Variants in THAP3 observed in about 807,000 individuals in gnomAD.
THAP3 encodes the protein THAP domain-containing protein 3.
In THAP3, 12 loss-of-function variants were observed where a neutral mutation model predicts 17.7. The observed-to-expected ratio is 0.68, with a 90% CI of 0.43 to 1.10. The LOEUF is 1.10. THAP3 is among the 50% of genes least tolerant of loss of function. THAP3 has a pLI of 0.00. For missense variants in THAP3, 289 were observed against 318.0 expected, an observed-to-expected ratio of 0.91 and a Z score of 0.69; for synonymous variants, 133 against 126.9, an observed-to-expected ratio of 1.05 and a Z score of -0.32.
chr1:6,628,657 T>C lies in THAP3; in HGVS notation c.233T>C (p.Val78Ala). ...CGCAAGAACCTAAAGCACAATGCCGTGCCCACGGTGTTCGCCTTTCAGGAC... is the reference window on the plus strand; with the variant it reads ...CGCAAGAACCTAAAGCACAATGCCGCGCCCACGGTGTTCGCCTTTCAGGAC... ...GNRKNLKHNAVPTVFAFQDPT... is the reference protein window; with the variant it reads ...GNRKNLKHNAAPTVFAFQDPT... Residue 78 changes from valine to alanine, a missense_variant, in exon 3 of 6, where the codon GTG (valine) becomes GCG (alanine). By Grantham distance (64) the Val-to-Ala change is moderately conservative (BLOSUM62 0). Coordinates refer to ENST00000054650, the MANE Select transcript of THAP3 (RefSeq NM_001195753.2). The C allele has an allele frequency of 2.5e-6, 4 of 1,613,592 alleles. No homozygotes were observed. The highest frequency in any genetic ancestry group is 3.4e-6 in the Non-Finnish European group (4 of 1,179,980).
chr1:6,632,292 T>A, intron 4 of THAP3, 99 bp from the exon 5 acceptor site: 2 of 1,523,160 alleles, frequency 1.3e-6, no homozygotes, highest in South Asian at 2.4e-5. Context: ...CTGGAGCTGG[T>A]CCCTGGCTGT....
rs376258102 is a variant in THAP3 at position 6,626,216 on chromosome 1, AG to A, written c.74+926del. On this transcript the variant is annotated intron_variant, in intron 2 of 5. Coordinates refer to ENST00000054650, the MANE Select transcript of THAP3 (RefSeq NM_001195753.2). ...TCCCAGCTGCTCGGGAGACTGAAGTAGGAGGATCGCTTGAACCCAGCTTCGA... is the reference window on the plus strand; with the variant it reads ...TCCCAGCTGCTCGGGAGACTGAAGTAGAGGATCGCTTGAACCCAGCTTCGA... Among the ~76,000 whole-genome samples the A allele has an allele frequency of 1.2e-3, 186 of 152,218 alleles. 3 individuals are homozygous for A. In the South Asian group the frequency reaches 0.032, roughly 26 times the overall value.
Position 6,632,864 on chromosome 1 carries a change from G to T in THAP3, c.507G>T (p.Arg169Ser), listed in dbSNP as rs1641661941. The change falls in exon 6 of 6, where the codon AGG becomes AGT. Residue 169 changes from arginine (R) to serine (S), a missense_variant. Transcript: ENST00000054650. ...CGACTGGCCCTGCAGGCCTGAGAAG[G>T]ACCCCCAACAAGCAGCCATCTGATC... ...GRPTGPAGLR[R>S]TPNKQPSDHS... 1 of 1,612,962 alleles carries T rather than the reference G, an allele frequency of 6.2e-7. No homozygotes were observed. The highest frequency in any genetic ancestry group is 8.5e-7 in the Non-Finnish European group (1 of 1,179,900).
downstream of THAP3, chr1:6,635,315 GC>G (rs539081168): frequency 6.3e-4 from 139 of 220,226 alleles, 1 homozygote; most frequent in African/African-American, 2.9e-3. Context: ...AGGGCAGGGT[GC>G]TCCACAGACA....
intron 3 of THAP3, among the ~76,000 whole-genome samples, chr1:6,629,059 G>A (rs1641539320): frequency 6.6e-6 from 1 of 152,194 alleles, no homozygotes; most frequent in Admixed American, 6.5e-5. Context: ...AAAATCAGCT[G>A]GGTGTGTTGG....
Position 6,633,206 on chromosome 1 carries a change from G to T in THAP3, c.*129G>T. On this transcript the variant is annotated 3_prime_UTR_variant, in exon 6 of 6. Coordinates refer to ENST00000054650, the MANE Select transcript of THAP3 (RefSeq NM_001195753.2). ...TGGCCATGAGGCCTGCTTGGCCGGG[G>T]ATCGAGACAGTAGCCAAGCTCCCCG... 6.9e-7 allele frequency: 1 copy of T among 1,455,198 alleles called. No homozygotes were observed. The highest frequency in any genetic ancestry group is 9.0e-7 in the Non-Finnish European group (1 of 1,109,756). The allele number at this position is 1,455,198 out of a possible 1,614,324, so 90.1% of individuals were successfully genotyped here.
chr1:6,625,817 C>G (rs989380619), intron 2 of THAP3, among the ~76,000 whole-genome samples: 2 of 152,206 alleles, frequency 1.3e-5, no homozygotes, highest in Admixed American at 1.3e-4. Flanking sequence ...AAGGTCCAGT[C>G]ACGGCACCAT....
chr1:6,630,207 G>GCC, intron 3 of THAP3, 81 bp from the exon 4 acceptor site: 7 of 1,246,762 alleles, frequency 5.6e-6, no homozygotes, highest in Non-Finnish European at 8.3e-6. Flanking sequence ...CGAGCAGCGG[G>GCC]GACAAGCATG....
Position 6,632,469 on chromosome 1 carries a change from C to T in THAP3, c.412C>T (p.Pro138Ser). 4 of 1,614,150 alleles carry T rather than the reference C, an allele frequency of 2.5e-6. No homozygotes were observed. The highest frequency in any genetic ancestry group is 3.4e-6 in the Non-Finnish European group (4 of 1,180,034). The stretch of plus-strand genomic sequence containing the variant: ...TGCACTTGAAGAGCTTCAGTTGCCC[C>T]CAAATGCCGAAGGCCACGTAAAACA... Reference protein sequence around the residue: ...DTALEELQLPPNAEGHVKQVS... With the variant: ...DTALEELQLPSNAEGHVKQVS... The change falls in exon 5 of 6, where the codon CCA becomes TCA. Residue 138 changes from proline (P) to serine (S), a missense_variant. Pro to Ser is a moderately conservative substitution (Grantham distance 74). Coordinates refer to ENST00000054650, the MANE Select transcript of THAP3 (RefSeq NM_001195753.2).
At position 6,628,681 on chromosome 1, in the gene THAP3, AC is replaced by A. The variant is rs1231467828; in HGVS notation, c.261del (p.Thr88HisfsTer4). On this transcript the variant is annotated frameshift_variant, in exon 3 of 6. Coordinates refer to ENST00000054650, the MANE Select transcript of THAP3 (RefSeq NM_001195753.2). LOFTEE classifies it high-confidence loss of function. ...NAVPTVFAFQ[D>X]PTQQVRENTD... ...GTGCCCACGGTGTTCGCCTTTCAGG[AC>A]CCCACACAGGTAGGAGGGCACTGCA... is the stretch of plus-strand genomic sequence containing the variant. 6.2e-7 allele frequency: 1 copy of A among 1,612,704 alleles called. No homozygotes were observed. Among genetic ancestry groups the A allele is most frequent in the Non-Finnish European group, 8.5e-7 (1 of 1,179,614 alleles).
At chr1:6,625,337 C>T (rs774356525) in intron 2 of THAP3, 45 bp downstream of exon 2, 7 of 1,495,480 alleles carry the variant, frequency 4.7e-6, no homozygotes, top group African/African-American at 2.9e-5. Context: ...AGACCCGGGG[C>T]CCGCGGACCG....
downstream of THAP3, chr1:6,633,581 C>CATT (rs3830771): frequency 0.35 from 371,997 of 1,062,986 alleles, 65,803 homozygotes; most frequent in South Asian, 0.46. Flanking sequence ...CTCCCATCAT[C>CATT]ATTTTCTCTA....
At chr1:6,634,321 G>C (rs1010255317), downstream of THAP3, 71 of 1,012,086 alleles carry the variant, frequency 7.0e-5, no homozygotes, top group African/African-American at 1.1e-3. Context: ...CCGCGGCTCG[G>C]GCCGTGGGGC....
downstream of THAP3, chr1:6,635,502 C>T (rs1274055436): frequency 4.3e-6 from 3 of 693,298 alleles, no homozygotes; most frequent in Admixed American, 2.8e-5. Context: ...ACCCCCAGCA[C>T]CCTCAAAAGC....
chr1:6,634,217 C>A, downstream of THAP3: 1 of 965,668 alleles, frequency 1.0e-6, no homozygotes, highest in East Asian at 2.5e-5. Context: ...GTACAGTCGA[C>A]TGCAAATGAA....
chr1:6,626,696 A>T (rs1382585148), intron 2 of THAP3, among the ~76,000 whole-genome samples: 2 of 152,126 alleles, frequency 1.3e-5, no homozygotes, highest in African/African-American at 4.8e-5. Context: ...AAATACAAAA[A>T]TTACCCGGGC....
Position 6,625,275 on chromosome 1 carries a change from G to C in THAP3, c.57G>C (p.Lys19Asn). 1.3e-6 allele frequency: 2 copies of C among 1,544,502 alleles called. No homozygotes were observed. The highest frequency in any genetic ancestry group is 1.7e-6 in the Non-Finnish European group (2 of 1,147,160). The part of the protein sequence containing the change: ...QCCNRYSSRR[K>N]QLTFHRFPFS... ...GCAACCGCTACAGCAGCCGCAGGAA[G>C]CAGCTCACCTTCCACCGGTAAGAGG... Residue 19 changes from lysine (K) to asparagine (N), a missense_variant, in exon 2 of 6, where the codon AAG becomes AAC. Physicochemically the swap from Lys to Asn is moderately conservative, Grantham distance 94 (BLOSUM62 0). Coordinates refer to ENST00000054650, the MANE Select transcript of THAP3 (RefSeq NM_001195753.2).
At position 6,633,528 on chromosome 1, in the gene THAP3, T is replaced by TGTGA. The variant is rs1463575153; in HGVS notation, c.*455_*458dup. On this transcript the variant is annotated 3_prime_UTR_variant, in exon 6 of 6. Coordinates refer to ENST00000054650, the MANE Select transcript of THAP3 (RefSeq NM_001195753.2). ...AGGAGTGACTCCTGTCCCGGCCTGG[T>TGTGA]GTGAGTGGGCAGTGTAATAAAGTGT... is the stretch of plus-strand genomic sequence containing the variant. The TGTGA allele has an allele frequency of 5.5e-6, 6 of 1,096,234 alleles. No homozygotes were observed. The African/African-American group carries it at 9.8e-5, about 18-fold the overall frequency. The allele number at this position is 1,096,234 out of a possible 1,614,324, so 67.9% of individuals were successfully genotyped here. A position where few individuals can be genotyped will look rare whatever the true frequency, so the allele number is the denominator to read the frequency against.
chr1:6,629,369 T>C (rs1641547334), intron 3 of THAP3, among the ~76,000 whole-genome samples: 1 of 152,136 alleles, frequency 6.6e-6, no homozygotes, highest in Non-Finnish European at 1.5e-5. Context: ...GTGGAGCCGA[T>C]GGGAAGAACA....
Sources: allele counts gnomAD v4.1 joint callset (sites outside exome capture counted in the v4.1 genomes callset), GRCh38; gene constraint gnomAD v4.1.1; transcripts MANE v1.5; gene names NCBI Gene and HGNC (gene_info 2026-07-23, HGNC 2026-07-21).